Variants in PRKCQ observed in about 807,000 individuals in gnomAD.
PRKCQ encodes protein kinase C theta type.
In PRKCQ, 41 loss-of-function variants were observed where a neutral mutation model predicts 91.2. The ratio of observed to expected loss-of-function variants is 0.45; its 90% CI spans 0.35 to 0.58. PRKCQ has a LOEUF of 0.58. Among genes scored for constraint, PRKCQ ranks in the 20% least tolerant of loss-of-function variants. PRKCQ has a pLI of 0.00. For missense variants in PRKCQ, 673 were observed against 896.5 expected (o/e 0.75, Z 3.18); for synonymous variants, 307 against 316.9 (o/e 0.97, Z 0.33).
At chr10:6,526,607 G>A (rs542184903) in intron 1 of PRKCQ, among the ~76,000 whole-genome samples, 3 of 152,096 alleles carry the variant, frequency 2.0e-5, no homozygotes, top group Non-Finnish European at 2.9e-5. Context: ...GTTCCCGGCC[G>A]AAACATGGGT....
chr10:6,549,624 C>CTTTTTTT (rs753280727), intron 1 of PRKCQ, among the ~76,000 whole-genome samples: 2 of 124,412 alleles, frequency 1.6e-5, no homozygotes, highest in African/African-American at 6.2e-5. Context: ...TAAAATTCAT[C>CTTTTTTT]TTTTTTTTTT....
At chr10:6,415,754 T>C in the PRKCQ span, among the ~76,000 whole-genome samples, 1 of 87,446 alleles carries the variant, frequency 1.1e-5, no homozygotes, top group Non-Finnish European at 2.6e-5. Flanking sequence ...CTCTTTTTTT[T>C]TTTTTTTGAG....
At position 6,563,393 on chromosome 10, in the gene PRKCQ, A is replaced by T. The variant is rs547786885; in HGVS notation, c.-10+16818T>A. 2.6e-5 allele frequency among the ~76,000 whole-genome samples: 4 copies of T among 152,058 alleles called. No individual in the cohort carries two copies. In the East Asian group the frequency reaches 5.8e-4, roughly 22 times the overall value. On this transcript the variant is annotated intron_variant, in intron 1 of 17. Coordinates refer to ENST00000263125, the MANE Select transcript of PRKCQ (RefSeq NM_006257.5). The stretch of plus-strand genomic sequence containing the variant: ...CTGAGTCCAGGTCAGGGCTCTCCCC[A>T]TGGGGACAGGTCTCCATGGCCCGTC...
chr10:6,480,192 A>C (rs1381019427), intron 11 of PRKCQ, among the ~76,000 whole-genome samples: 1 of 152,066 alleles, frequency 6.6e-6, no homozygotes, highest in Non-Finnish European at 1.5e-5. Context: ...ACATTTTAGG[A>C]CCTACTGTGT....
intron 10 of PRKCQ, 54 bp downstream of exon 10, chr10:6,485,098 G>A: frequency 6.8e-7 from 1 of 1,477,548 alleles, no homozygotes; most frequent in Non-Finnish European, 9.4e-7. Context: ...ATTAGGTTAG[G>A]GTTAATTGAG....
intron 1 of PRKCQ, among the ~76,000 whole-genome samples, chr10:6,532,220 G>A (rs150029042): frequency 5.8e-4 from 88 of 152,278 alleles, no homozygotes; most frequent in Non-Finnish European, 1.0e-3. Flanking sequence ...GCCAGTGGCC[G>A]GGTGAAATGC....
intron 11 of PRKCQ, among the ~76,000 whole-genome samples, chr10:6,481,808 T>A (rs1417814379): frequency 2.6e-5 from 4 of 152,032 alleles, no homozygotes; most frequent in African/African-American, 7.3e-5. Flanking sequence ...TTCCTGGGAG[T>A]CCCATCCAAG....
chr10:6,575,997 G>A (rs1024546365), intron 1 of PRKCQ, among the ~76,000 whole-genome samples: 4 of 152,116 alleles, frequency 2.6e-5, no homozygotes, highest in South Asian at 4.2e-4. Flanking sequence ...CTGAGATCAT[G>A]CCACTGCACT....
intron 2 of PRKCQ, among the ~76,000 whole-genome samples, chr10:6,511,822 A>T (rs1227284980): frequency 2.6e-5 from 4 of 152,232 alleles, no homozygotes; most frequent in African/African-American, 9.6e-5. Flanking sequence ...AAACAAATGT[A>T]AATTCCAAGC....
chr10:6,394,780 A>G, the PRKCQ span, among the ~76,000 whole-genome samples: 81 of 152,344 alleles, frequency 5.3e-4, no homozygotes, highest in Non-Finnish European at 1.0e-3. Flanking sequence ...TTTATAATCT[A>G]TTTTCTCAAA....
chr10:6,539,918 T>C (rs1442364062), intron 1 of PRKCQ, among the ~76,000 whole-genome samples: 1 of 152,242 alleles, frequency 6.6e-6, no homozygotes, highest in Non-Finnish European at 1.5e-5. Context: ...ATTTACCTCC[T>C]TGGATATAAT....
At position 6,464,356 on chromosome 10, in the gene PRKCQ, A is replaced by G. The variant is rs1250416943; in HGVS notation, c.1402T>C (p.Tyr468His). The G allele has an allele frequency of 6.2e-7, 1 of 1,613,922 alleles. No homozygotes were observed. The highest frequency in any genetic ancestry group is 1.1e-5 in the South Asian group (1 of 91,034). The change falls in exon 13 of 18, where the codon TAC becomes CAC. Residue 468 changes from tyrosine to histidine, a missense_variant. Transcript: ENST00000263125. ...AACTTGTGGCAGCTTTGGATGTGGT[A>G]CATTAAGTCCCCTCCGTTGAGGTAC... is the stretch of plus-strand genomic sequence containing the variant. ...MEYLNGGDLM[Y>H]HIQSCHKFDL...
chr10:6,404,387 TTTCTTTTCTTTCTTTCC>T, the PRKCQ span, among the ~76,000 whole-genome samples: 44 of 58,094 alleles, frequency 7.6e-4, no homozygotes, highest in Non-Finnish European at 1.8e-3. Flanking sequence ...TCTTTCGTTC[TTTCTTTTCTTTCTTTCC>T]TTCTTTCTTT....
chr10:6,515,399 A>G (rs1315947930), intron 1 of PRKCQ: 1 of 985,298 alleles, frequency 1.0e-6, no homozygotes, highest in Non-Finnish European at 1.2e-6. Context: ...GAAGTAACTC[A>G]AGAGTTAGTT....
intron 1 of PRKCQ, among the ~76,000 whole-genome samples, chr10:6,579,653 T>C (rs1337252178): frequency 1.0e-5 from 1 of 95,912 alleles, no homozygotes; most frequent in African/African-American, 4.8e-5. Context: ...ATTTTTCTTT[T>C]TTTTTTTTTT....
At chr10:6,484,884 T>G (rs111825692) in intron 10 of PRKCQ, among the ~76,000 whole-genome samples, 167 of 152,368 alleles carry the variant, frequency 1.1e-3, no homozygotes, top group African/African-American at 3.7e-3. Context: ...CATTTGACAC[T>G]GACAGAATGT....
intron 8 of PRKCQ, 63 bp downstream of exon 8, chr10:6,491,620 A>G: frequency 1.9e-6 from 3 of 1,586,076 alleles, no homozygotes; most frequent in Non-Finnish European, 2.6e-6. Flanking sequence ...AGTTCCCCAG[A>G]AAGCCTTGCT....
the PRKCQ span, among the ~76,000 whole-genome samples, chr10:6,416,411 T>C: frequency 6.6e-6 from 1 of 152,188 alleles, no homozygotes. Context: ...TTCATTCTTA[T>C]GCCTTTGCAT....
chr10:6,501,866 TG>T (rs1837934217), intron 4 of PRKCQ, among the ~76,000 whole-genome samples: 2 of 151,276 alleles, frequency 1.3e-5, no homozygotes, highest in Admixed American at 6.6e-5. Context: ...AAAAAGAAGA[TG>T]GGGTCTCTAC....
Sources: allele counts gnomAD v4.1 joint callset (sites outside exome capture counted in the v4.1 genomes callset), GRCh38; gene constraint gnomAD v4.1.1; transcripts MANE v1.5; gene names NCBI Gene and HGNC (gene_info 2026-07-23, HGNC 2026-07-21).